The following RGS7BP variants were observed in gnomAD, a reference collection of about 807,000 sequenced individuals.
RGS7BP encodes regulator of G protein signaling 7 binding protein.
RGS7BP carries 9 observed loss-of-function variants against 31.3 expected under a neutral mutation model. The ratio of observed to expected loss-of-function variants is 0.29; its 90% CI spans 0.17 to 0.50. RGS7BP has a LOEUF of 0.50. RGS7BP is among the 20% of genes least tolerant of loss of function. The pLI is 0.98. For synonymous variants in RGS7BP, 115 were observed against 120.1 expected (o/e 0.96, Z 0.28); for missense variants, 274 against 322.0 (o/e 0.85, Z 1.14).
At chr5:64,526,452 C>A (rs1169581974) in intron 2 of RGS7BP, among the ~76,000 whole-genome samples, 1 of 152,128 alleles carries the variant, frequency 6.6e-6, no homozygotes, top group Non-Finnish European at 1.5e-5. Flanking sequence ...AACTTTGCCT[C>A]CAGACACTTG....
chr5:64,514,577 T>C (rs542644944), intron 2 of RGS7BP, among the ~76,000 whole-genome samples: 20 of 152,326 alleles, frequency 1.3e-4, no homozygotes, highest in African/African-American at 4.8e-4. Flanking sequence ...TGAAATGGAT[T>C]ATTCACAAAG....
chr5:64,585,168 A>C (rs1266484724), intron 3 of RGS7BP, among the ~76,000 whole-genome samples: 1 of 152,178 alleles, frequency 6.6e-6, no homozygotes, highest in Non-Finnish European at 1.5e-5. Context: ...TGTTCAGTGC[A>C]TAGTGTCATA....
chr5:64,589,703 G>T (rs567105658), intron 3 of RGS7BP, among the ~76,000 whole-genome samples: 1 of 152,226 alleles, frequency 6.6e-6, no homozygotes, highest in Non-Finnish European at 1.5e-5. Context: ...GGAGGCTGAG[G>T]TGGGAGAACT....
chr5:64,573,776 T>C (rs190174374), intron 2 of RGS7BP: 345 of 152,266 alleles, frequency 2.3e-3, no homozygotes, highest in African/African-American at 7.6e-3. Flanking sequence ...TCAAAATAGC[T>C]AGAACAGAGT....
At chr5:64,597,261 G>A (rs1045742623) in intron 4 of RGS7BP, among the ~76,000 whole-genome samples, 4 of 152,162 alleles carry the variant, frequency 2.6e-5, no homozygotes, top group African/African-American at 7.2e-5. Context: ...ATGGCTTCCT[G>A]CTTTACAATT....
intron 3 of RGS7BP, among the ~76,000 whole-genome samples, chr5:64,588,090 A>G (rs1013149912): frequency 1.3e-5 from 2 of 152,238 alleles, no homozygotes; most frequent in Non-Finnish European, 2.9e-5. Flanking sequence ...ATATGTGATC[A>G]ATATATGCAA....
intron 5 of RGS7BP, among the ~76,000 whole-genome samples, chr5:64,600,150 C>G (rs940308241): frequency 1.3e-4 from 20 of 152,166 alleles, no homozygotes; most frequent in African/African-American, 4.8e-4. Flanking sequence ...ATCCACAGCT[C>G]ATGTTTGAAG....
intron 2 of RGS7BP, among the ~76,000 whole-genome samples, chr5:64,536,249 G>A (rs1384634786): frequency 1.3e-5 from 2 of 152,210 alleles, no homozygotes; most frequent in African/African-American, 2.4e-5. Flanking sequence ...TCTGATTTCT[G>A]TAGACAAACT....
intron 5 of RGS7BP, among the ~76,000 whole-genome samples, chr5:64,600,660 T>C (rs1055567924): frequency 2.0e-5 from 3 of 152,164 alleles, no homozygotes; most frequent in African/African-American, 7.2e-5. Context: ...TAAGGACTTA[T>C]TCAGAAGGAA....
chr5:64,587,968 C>T (rs1258164271), intron 3 of RGS7BP, among the ~76,000 whole-genome samples: 1 of 151,968 alleles, frequency 6.6e-6, no homozygotes, highest in African/African-American at 2.4e-5. Flanking sequence ...AACAGACATC[C>T]AGGAATGACA....
chr5:64,528,372 G>C (rs1489237147), intron 2 of RGS7BP, among the ~76,000 whole-genome samples: 1 of 152,154 alleles, frequency 6.6e-6, no homozygotes. Context: ...GATAAAATAA[G>C]AGACATCAGT....
chr5:64,555,567 T>C (rs1488701199), intron 2 of RGS7BP, among the ~76,000 whole-genome samples: 3 of 152,148 alleles, frequency 2.0e-5, no homozygotes, highest in African/African-American at 7.2e-5. Flanking sequence ...TTAAGGAGTA[T>C]ATAAAATTAG....
At position 64,594,851 on chromosome 5, in the gene RGS7BP, C is replaced by T. The variant is rs1354975403; in HGVS notation, c.605C>T (p.Thr202Ile). The T allele has an allele frequency of 1.2e-6, 2 of 1,613,548 alleles. No homozygotes were observed. Among genetic ancestry groups the T allele is most frequent in the South Asian group, 2.2e-5 (2 of 91,040 alleles). Residue 202 changes from threonine to isoleucine, a missense_variant, in exon 4 of 6, where the codon ACT (threonine) becomes ATT (isoleucine). Coordinates refer to ENST00000334025, the MANE Select transcript of RGS7BP (RefSeq NM_001029875.3). ...SWQVSTDIEN[T>I]ERDMREMKNL... ...CAGGTTTCCACAGACATTGAGAACA[C>T]TGAAAGGTAAGTGGGAAGTTACCCT...
At position 64,506,809 on chromosome 5, in the gene RGS7BP, CT is replaced by C. The variant is rs36025131; in HGVS notation, c.165+35del. The C allele has an allele frequency of 0.11, 140,391 of 1,260,418 alleles. 2 individuals carry two copies. Among genetic ancestry groups the C allele is most frequent in the East Asian group, 0.18 (6,556 of 36,080 alleles). The allele number at this position is 1,260,418 out of a possible 1,614,324, so 78.1% of individuals were successfully genotyped here. A position where few individuals can be genotyped will look rare whatever the true frequency, so the allele number is the denominator to read the frequency against. ...AAGATGGTGGGTGAAAACTGCGCCT[CT>C]TTTTTTTTTTTTTTAATTGAGAGGG... On this transcript the variant is annotated intron_variant, in intron 1 of 5. Transcript: ENST00000334025. The surrounding 1 kb of genome is among the most constrained non-coding windows in gnomAD (Gnocchi z 4.6).
Position 64,610,273 on chromosome 5 carries a change from C to T in RGS7BP, c.*1021C>T, listed in dbSNP as rs1276879039. 1 of 152,380 alleles carries T rather than the reference C, an allele frequency of 6.6e-6. No individual in the cohort carries two copies. The highest frequency in any genetic ancestry group is 1.5e-5 in the Non-Finnish European group (1 of 67,920). 9.4% of individuals were successfully genotyped at this position (152,380 alleles called of 1,614,324 possible). On this transcript the variant is annotated 3_prime_UTR_variant, in exon 6 of 6. Coordinates refer to ENST00000334025, the MANE Select transcript of RGS7BP (RefSeq NM_001029875.3). ...CTTGGTGTCTTGTCTTATGCTTAGA[C>T]TCTTGAAAGCAGGACACATTAAGCA...
chr5:64,541,937 A>G (rs756182321), intron 2 of RGS7BP, among the ~76,000 whole-genome samples: 1 of 134,002 alleles, frequency 7.5e-6, no homozygotes, highest in Non-Finnish European at 1.6e-5. Flanking sequence ...ATCATTTCAT[A>G]TATTTTCTAT....
chr5:64,538,004 C>T (rs1741417758), intron 2 of RGS7BP, among the ~76,000 whole-genome samples: 1 of 151,988 alleles, frequency 6.6e-6, no homozygotes, highest in Admixed American at 6.6e-5. Flanking sequence ...AAATAGAAAG[C>T]TCTTTTTTTA....
At chr5:64,548,182 T>A (rs1741705158) in intron 2 of RGS7BP, among the ~76,000 whole-genome samples, 1 of 152,148 alleles carries the variant, frequency 6.6e-6, no homozygotes, top group South Asian at 2.1e-4. Context: ...GTCAATATCA[T>A]CAAATAATTT....
intron 2 of RGS7BP, among the ~76,000 whole-genome samples, chr5:64,516,898 G>C (rs897628729): frequency 2.6e-5 from 4 of 151,978 alleles, no homozygotes; most frequent in African/African-American, 4.8e-5. Flanking sequence ...CTGGGCATTG[G>C]GGTATTTTTA....
Sources: allele counts gnomAD v4.1 joint callset (sites outside exome capture counted in the v4.1 genomes callset), GRCh38; gene constraint gnomAD v4.1.1; non-coding constraint Gnocchi (gnomAD v3.1); transcripts MANE v1.5; gene names NCBI Gene and HGNC (gene_info 2026-07-23, HGNC 2026-07-21).